The following CNBD1 variants were observed in gnomAD, a reference collection of about 807,000 sequenced individuals.
CNBD1 encodes the protein cyclic nucleotide-binding domain-containing protein 1.
Under a neutral mutation model 54.4 loss-of-function variants are expected in CNBD1, and 71 were observed. The observed-to-expected ratio is 1.30, with a 90% CI of 1.08 to 1.59. The LOEUF is 1.59. Among genes scored for constraint, CNBD1 ranks in the 40% most tolerant of loss-of-function variants. The probability of loss-of-function intolerance (pLI) is 0.00; values close to 1 mark genes in which losing one functional copy is unlikely to be tolerated. For missense variants in CNBD1, 659 were observed against 518.0 expected (o/e 1.27, Z -2.64); for synonymous variants, 182 against 170.7 (o/e 1.07, Z -0.51).
chr8:87,108,853 G>A (rs1811599091), intron 4 of CNBD1, among the ~76,000 whole-genome samples: 1 of 152,038 alleles, frequency 6.6e-6, no homozygotes, highest in Non-Finnish European at 1.5e-5. Context: ...TTGTATTTCA[G>A]TTCCTTTAAT....
At chr8:86,982,878 T>C (rs1409258194) in intron 4 of CNBD1, among the ~76,000 whole-genome samples, 1 of 152,244 alleles carries the variant, frequency 6.6e-6, no homozygotes, top group Non-Finnish European at 1.5e-5. Context: ...TTTTGGAGAA[T>C]TGACATTCTA....
At chr8:87,264,670 G>T (rs551503900) in intron 6 of CNBD1, among the ~76,000 whole-genome samples, 1 of 152,070 alleles carries the variant, frequency 6.6e-6, no homozygotes, top group Non-Finnish European at 1.5e-5. Context: ...GTTGTTTCCT[G>T]ACTTTTTAGT....
intron 4 of CNBD1, among the ~76,000 whole-genome samples, chr8:87,133,143 T>C (rs1242805086): frequency 6.6e-6 from 1 of 152,142 alleles, no homozygotes; most frequent in African/African-American, 2.4e-5. Flanking sequence ...TCCTTTTTTT[T>C]CATTAATTAT....
rs115030625 is a variant in CNBD1, at chr8:86,967,187, C to A, written c.431+27433C>A. Among the ~76,000 whole-genome samples the A allele has an allele frequency of 6.5e-3, 990 of 152,302 alleles. 17 individuals carry two copies. Among genetic ancestry groups the A allele is most frequent in the African/African-American group, 0.023 (937 of 41,564 alleles). On this transcript the variant is annotated intron_variant, in intron 4 of 10. Transcript: ENST00000518476. ...TGCAGAAAAAGTGCGTGTGGGGGGTCCTTCCTGGGGCTTCCAAGGGTATAA... is the reference window on the plus strand; with the variant it reads ...TGCAGAAAAAGTGCGTGTGGGGGGTACTTCCTGGGGCTTCCAAGGGTATAA...
At chr8:87,215,638 C>T (rs1354896300) in intron 5 of CNBD1, among the ~76,000 whole-genome samples, 4 of 150,274 alleles carry the variant, frequency 2.7e-5, no homozygotes, top group African/African-American at 7.4e-5. Context: ...AGTATTCTAA[C>T]GTTAGATTGT....
At chr8:86,876,193 G>A (rs1353096805) in intron 1 of CNBD1, among the ~76,000 whole-genome samples, 2 of 149,860 alleles carry the variant, frequency 1.3e-5, no homozygotes, top group Admixed American at 6.7e-5. Context: ...TTGTGTGTGT[G>A]TGTGTGTGTG....
chr8:87,116,831 C>G (rs1267714937), intron 4 of CNBD1, among the ~76,000 whole-genome samples: 1 of 152,172 alleles, frequency 6.6e-6, no homozygotes, highest in Admixed American at 6.5e-5. Flanking sequence ...AAAATAACAA[C>G]CTTTCAACAT....
chr8:87,286,558 A>G lies in CNBD1; in HGVS notation c.929A>G (p.Asn310Ser). ...TTTTAGGAAAAAATAAAACTTGAAA[A>G]TATGCAAAAGTTGAAATTAATCCGT... ...KIKEEKIKLE[N>S]MQKLKLIRMC... Residue 310 changes from asparagine to serine, a missense_variant, in exon 8 of 11, where the codon AAT becomes AGT. Transcript: ENST00000518476. 6.9e-7 allele frequency: 1 copy of G among 1,446,142 alleles called. No homozygotes were observed. Among genetic ancestry groups the G allele is most frequent in the Non-Finnish European group, 9.5e-7 (1 of 1,053,804 alleles). The allele number at this position is 1,446,142 out of a possible 1,614,324, so 89.6% of individuals were successfully genotyped here.
chr8:86,966,596 C>T (rs1027030812), intron 4 of CNBD1, among the ~76,000 whole-genome samples: 2 of 151,930 alleles, frequency 1.3e-5, no homozygotes, highest in South Asian at 2.1e-4. Flanking sequence ...GTGGGTTCAT[C>T]GTCTCACTGG....
chr8:86,990,769 G>A (rs1808727033), intron 4 of CNBD1, among the ~76,000 whole-genome samples: 1 of 152,086 alleles, frequency 6.6e-6, no homozygotes, highest in Admixed American at 6.6e-5. Context: ...TGAATCTATA[G>A]ATTGCTTTAG....
chr8:87,187,977 T>G (rs1019851641), intron 4 of CNBD1, among the ~76,000 whole-genome samples: 2 of 152,194 alleles, frequency 1.3e-5, no homozygotes, highest in Non-Finnish European at 2.9e-5. Context: ...TCTAGGATTT[T>G]GCCCTGCCTA....
chr8:87,302,740 T>G (rs1467673452), intron 8 of CNBD1, among the ~76,000 whole-genome samples: 1 of 151,848 alleles, frequency 6.6e-6, no homozygotes, highest in Admixed American at 6.6e-5. Context: ...GAAAACCCCA[T>G]CATCTCAGCC....
chr8:87,092,415 G>GTGTA (rs57005931), intron 4 of CNBD1, among the ~76,000 whole-genome samples: 5 of 143,832 alleles, frequency 3.5e-5, no homozygotes, highest in Non-Finnish European at 6.0e-5. Flanking sequence ...GTATATGTGT[G>GTGTA]TGTATGTATG....
chr8:87,297,705 GTGTGT>G (rs1808906823), intron 8 of CNBD1, among the ~76,000 whole-genome samples: 1 of 150,914 alleles, frequency 6.6e-6, no homozygotes, highest in African/African-American at 2.4e-5. Context: ...AATGTGGGGT[GTGTGT>G]GTGTGTGTGT....
chr8:87,161,765 T>G (rs886927087), intron 4 of CNBD1, among the ~76,000 whole-genome samples: 1 of 152,140 alleles, frequency 6.6e-6, no homozygotes, highest in Admixed American at 6.6e-5. Flanking sequence ...ATTCAACTTA[T>G]GTAAGCACAT....
At position 87,091,994 on chromosome 8, in the gene CNBD1, C is replaced by T. The variant is rs113405344; in HGVS notation, c.432-113999C>T. Among the ~76,000 whole-genome samples the T allele has an allele frequency of 2.5e-3, 385 of 151,874 alleles. 3 individuals carry two copies. The highest frequency in any genetic ancestry group is 8.3e-3 in the African/African-American group (343 of 41,402). On this transcript the variant is annotated intron_variant, in intron 4 of 10. Transcript: ENST00000518476. ...TTCTAAATACTATATTGTTATTATG[C>T]GTTATATTAATTTAATTTTTACATA...
At chr8:87,054,632 G>T (rs945477136) in intron 4 of CNBD1, among the ~76,000 whole-genome samples, 3 of 152,170 alleles carry the variant, frequency 2.0e-5, no homozygotes, top group Non-Finnish European at 4.4e-5. Flanking sequence ...CAAAACGAAA[G>T]GAAGAAAATG....
intron 4 of CNBD1, among the ~76,000 whole-genome samples, chr8:86,963,804 G>T (rs1431806071): frequency 1.3e-5 from 2 of 152,126 alleles, no homozygotes; most frequent in Admixed American, 6.5e-5. Flanking sequence ...CTCCTGGATG[G>T]CAATGACAGT....
At chr8:87,146,176 TAG>T (rs1812483667) in intron 4 of CNBD1, among the ~76,000 whole-genome samples, 3 of 152,146 alleles carry the variant, frequency 2.0e-5, no homozygotes, top group African/African-American at 7.2e-5. Flanking sequence ...ATTATAATTA[TAG>T]ACTTTTCTTT....
Sources: allele counts gnomAD v4.1 joint callset (sites outside exome capture counted in the v4.1 genomes callset), GRCh38; gene constraint gnomAD v4.1.1; transcripts MANE v1.5; gene names NCBI Gene and HGNC (gene_info 2026-07-23, HGNC 2026-07-21).